STAG2: variants seen among roughly 807,000 people sequenced by gnomAD.
The protein encoded by STAG2 is cohesin subunit SA-2.
Under a neutral mutation model 108.1 loss-of-function variants are expected in STAG2, and 14 were observed. That is an observed-to-expected ratio of 0.13 (90% CI 0.09 to 0.20). The LOEUF (loss-of-function observed/expected upper bound fraction) is 0.20. STAG2 is among the 10% of genes least tolerant of loss of function. The probability of loss-of-function intolerance (pLI) is 1.00; values close to 1 mark genes in which losing one functional copy is unlikely to be tolerated. For missense variants in STAG2, 440 were observed against 940.9 expected, an observed-to-expected ratio of 0.47 and a Z score of 6.96; for synonymous variants, 307 against 302.7, an observed-to-expected ratio of 1.01 and a Z score of -0.15.
intron 10 of STAG2, among the ~76,000 whole-genome samples, chrX:124,049,547 T>A (rs535079531): frequency 8.9e-6 from 1 of 112,234 alleles, no homozygotes; most frequent in Non-Finnish European, 1.9e-5. Context: ...GTAGTATTTT[T>A]ATTCAGCTTC....
intron 1 of STAG2, among the ~76,000 whole-genome samples, chrX:124,015,421 G>A (rs1282359039): frequency 9.6e-5 from 10 of 103,667 alleles, no homozygotes; most frequent in Admixed American, 2.1e-4. Flanking sequence ...ATCTTGCTCC[G>A]TTGCCCAGTC....
chrX:124,060,032 G>A (rs925932398), intron 15 of STAG2, among the ~76,000 whole-genome samples: 75 of 111,873 alleles, frequency 6.7e-4, no homozygotes, highest in Non-Finnish European at 1.1e-4. Context: ...TTTATTATTT[G>A]TAATTGCTTT....
intron 20 of STAG2, 145 bp downstream of exon 20, chrX:124,064,196 C>A: frequency 2.3e-6 from 1 of 434,840 alleles, no homozygotes; most frequent in Non-Finnish European, 3.9e-6. Flanking sequence ...TATGACTCAT[C>A]AGGCTACTCC....
At chrX:123,978,392 G>A (rs2054727288) in intron 1 of STAG2, among the ~76,000 whole-genome samples, 1 of 110,001 alleles carries the variant, frequency 9.1e-6, no homozygotes, top group Non-Finnish European at 1.9e-5. Flanking sequence ...ACTTATAAGT[G>A]AGAACATGTG....
intron 33 of STAG2, among the ~76,000 whole-genome samples, chrX:124,094,774 A>T (rs1242910133): frequency 8.9e-6 from 1 of 112,368 alleles, no homozygotes; most frequent in Non-Finnish European, 1.9e-5. Flanking sequence ...GTTGATACTT[A>T]TAAGTCCAGT....
At chrX:123,972,866 C>CAAA (rs747333406) in intron 1 of STAG2, among the ~76,000 whole-genome samples, 220 of 21,922 alleles carry the variant, frequency 0.01, 9 homozygotes, top group African/African-American at 0.035. Context: ...ACCAAAAATA[C>CAAA]AAAAAAAAAA....
chrX:124,080,587 C>T (rs760492972), intron 27 of STAG2, among the ~76,000 whole-genome samples: 30 of 110,001 alleles, frequency 2.7e-4, no homozygotes, highest in Non-Finnish European at 4.9e-4. Context: ...ACTCGGGAGG[C>T]TGAGGCAGGA....
In STAG2 at chrX:124,005,394, G is replaced by A. The variant is rs1258666408; in HGVS notation, c.-162-15973G>A. Among the ~76,000 whole-genome samples the A allele has an allele frequency of 1.6e-4, 18 of 111,409 alleles. No individual in the cohort carries two copies. The Admixed American group carries it at 1.6e-3, about 10-fold the overall frequency. On this transcript the variant is annotated intron_variant, in intron 1 of 34. Coordinates refer to ENST00000371145, the MANE Select transcript of STAG2 (RefSeq NM_001042750.2). ...CCACCACCATCACCATCACCATCAA[G>A]ACACAGAACTGTCCCATCATCACAG...
intron 10 of STAG2, 73 bp downstream of exon 10, chrX:124,049,151 G>A (rs2148211293): frequency 1.2e-6 from 1 of 816,317 alleles, no homozygotes; most frequent in East Asian, 3.3e-5. Flanking sequence ...ATTTCGTGGT[G>A]TAGGGAATCT....
chrX:124,043,612 G>C (rs1459234218), intron 7 of STAG2, among the ~76,000 whole-genome samples: 1 of 111,894 alleles, frequency 8.9e-6, no homozygotes, highest in Non-Finnish European at 1.9e-5. Context: ...TGACAAAAAT[G>C]AAAATGTCAA....
At chrX:124,015,920 C>T (rs946713439) in intron 1 of STAG2, among the ~76,000 whole-genome samples, 57 of 111,313 alleles carry the variant, frequency 5.1e-4, no homozygotes, top group African/African-American at 1.8e-3. Context: ...TGAGAAAGTA[C>T]ATAGGCCAAT....
At chrX:124,033,603 A>G (rs975509526) in intron 5 of STAG2, among the ~76,000 whole-genome samples, 4 of 111,041 alleles carry the variant, frequency 3.6e-5, no homozygotes, top group Non-Finnish European at 5.7e-5. Flanking sequence ...CTCTACTAAA[A>G]ATAAAAAAGT....
At chrX:124,000,172 C>T (rs1293230005) in intron 1 of STAG2, among the ~76,000 whole-genome samples, 1 of 111,001 alleles carries the variant, frequency 9.0e-6, no homozygotes, top group East Asian at 2.8e-4. Flanking sequence ...TTCCTTTCAC[C>T]TAGTCATGTC....
intron 1 of STAG2, among the ~76,000 whole-genome samples, chrX:124,009,436 TA>T (rs1454389033): frequency 6.5e-5 from 5 of 77,025 alleles, no homozygotes; most frequent in African/African-American, 2.5e-4. Context: ...GGTAGGTAGG[TA>T]GGTAGGTAGA....
At chrX:123,982,426 C>T (rs1483176657) in intron 1 of STAG2, among the ~76,000 whole-genome samples, 2 of 111,579 alleles carry the variant, frequency 1.8e-5, no homozygotes, top group African/African-American at 3.3e-5. Context: ...TGCAGTGGCA[C>T]GATCGTGGCA....
At chrX:124,004,416 C>A in intron 1 of STAG2, among the ~76,000 whole-genome samples, 1 of 112,222 alleles carries the variant, frequency 8.9e-6, no homozygotes, top group African/African-American at 3.2e-5. Flanking sequence ...CTCCTAGGTA[C>A]CTCACATATA....
intron 1 of STAG2, among the ~76,000 whole-genome samples, chrX:123,998,587 CATCTATCTATCT>C (rs61659958): frequency 0.011 from 1,010 of 88,384 alleles, 2 homozygotes; most frequent in Middle Eastern, 0.024. Flanking sequence ...TCTGTCTATC[CATCTATCTATCT>C]ATCTATCTAT....
At chrX:123,974,319 A>C (rs1310018831) in intron 1 of STAG2, among the ~76,000 whole-genome samples, 2 of 103,842 alleles carry the variant, frequency 1.9e-5, no homozygotes. Context: ...TGAAACCTCC[A>C]CCTCCTGAGT....
At chrX:124,005,517 T>C (rs1372648886) in intron 1 of STAG2, among the ~76,000 whole-genome samples, 1 of 111,999 alleles carries the variant, frequency 8.9e-6, no homozygotes, top group Non-Finnish European at 1.9e-5. Context: ...TAACCTGTTA[T>C]TCATAATTTT....
Sources: gnomAD v4.1 joint callset for allele counts (sites outside exome capture counted in the v4.1 genomes callset) on GRCh38, gnomAD v4.1.1 for gene constraint, MANE v1.5 for transcripts, NCBI Gene and HGNC (gene_info 2026-07-23, HGNC 2026-07-21) for gene names.